PKN2: variants seen among roughly 807,000 people sequenced by gnomAD.
The protein encoded by PKN2 is serine/threonine-protein kinase N2.
Under a neutral mutation model 119.1 loss-of-function variants are expected in PKN2, and 38 were observed. The ratio of observed to expected loss-of-function variants is 0.32; its 90% CI spans 0.25 to 0.42. The LOEUF is 0.42. Ranked by LOEUF, PKN2 falls within the 10% of genes least tolerant of loss-of-function variation. The pLI is 1.00. For missense variants in PKN2, 850 were observed against 1,165.1 expected, an observed-to-expected ratio of 0.73 and a Z score of 3.94; for synonymous variants, 390 against 384.9, an observed-to-expected ratio of 1.01 and a Z score of -0.15.
chr1:88,689,362 TGAA>T (rs2100643183), intron 1 of PKN2, among the ~76,000 whole-genome samples: 1 of 152,322 alleles, frequency 6.6e-6, no homozygotes, highest in East Asian at 1.9e-4. Flanking sequence ...ACTAGAATTT[TGAA>T]GAAAAATGAA....
chr1:88,806,282 A>G (rs1246554463), intron 12 of PKN2: 3 of 379,696 alleles, frequency 7.9e-6, no homozygotes, highest in Non-Finnish European at 9.7e-6. Flanking sequence ...CCATTCTCCT[A>G]TCTCAGCCTC....
chr1:88,685,272 G>C (rs1570470285), intron 1 of PKN2: 3 of 147,612 alleles, frequency 2.0e-5, no homozygotes. Flanking sequence ...TTTTTTAACC[G>C]AGTGATAAAT....
intron 1 of PKN2, among the ~76,000 whole-genome samples, chr1:88,731,559 T>C (rs1668143891): frequency 6.6e-6 from 1 of 152,224 alleles, no homozygotes; most frequent in Admixed American, 6.5e-5. Flanking sequence ...GCTTAGCTGC[T>C]TTAAGCATGC....
intron 7 of PKN2, 29 bp downstream of exon 7, chr1:88,784,853 G>T: frequency 6.9e-7 from 1 of 1,448,006 alleles, no homozygotes; most frequent in Non-Finnish European, 9.5e-7. Flanking sequence ...TAAAAATCAT[G>T]TAACAAACTA....
intron 1 of PKN2, among the ~76,000 whole-genome samples, chr1:88,705,815 TTTA>T (rs932233645): frequency 3.9e-5 from 6 of 152,126 alleles, no homozygotes; most frequent in African/African-American, 7.2e-5. Flanking sequence ...CATTGCTATA[TTTA>T]TTATTATTTT....
chr1:88,684,284 G>A lies in PKN2; in HGVS notation c.-297G>A, dbSNP rs1178552395. Reference sequence around the variant, plus strand: ...GAGGAGCTGCAGCCGCGGCCGCAGCGCCCGCACGGAGAGGCTTGAGGCGGC... The same window carrying A: ...GAGGAGCTGCAGCCGCGGCCGCAGCACCCGCACGGAGAGGCTTGAGGCGGC... On this transcript the variant is annotated 5_prime_UTR_variant, in exon 1 of 22. Coordinates refer to ENST00000370521, the MANE Select transcript of PKN2 (RefSeq NM_006256.4). 14 of 350,426 alleles carry A rather than the reference G, an allele frequency of 4.0e-5. 1 individual carries two copies. The Admixed American group carries it at 6.3e-4, about 16-fold the overall frequency. The allele number at this position is 350,426 out of a possible 1,614,324, so 21.7% of individuals were successfully genotyped here.
intron 2 of PKN2, among the ~76,000 whole-genome samples, chr1:88,744,739 C>T (rs1668706022): frequency 6.6e-6 from 1 of 152,104 alleles, no homozygotes; most frequent in Admixed American, 6.6e-5. Flanking sequence ...GTTCTTAATT[C>T]ACCTCTGTAA....
chr1:88,817,087 A>G (rs1358201791), intron 16 of PKN2, among the ~76,000 whole-genome samples: 3 of 152,128 alleles, frequency 2.0e-5, no homozygotes, highest in Admixed American at 2.0e-4. Flanking sequence ...CCTGGCAGAG[A>G]CACCACAAAA....
chr1:88,727,417 C>T (rs1557569636), intron 1 of PKN2, among the ~76,000 whole-genome samples: 1 of 152,116 alleles, frequency 6.6e-6, no homozygotes, highest in Non-Finnish European at 1.5e-5. Flanking sequence ...GCAGTCCTTC[C>T]ACCTTGGCCT....
intron 1 of PKN2, among the ~76,000 whole-genome samples, chr1:88,736,994 G>A (rs1668373802): frequency 2.0e-5 from 3 of 152,140 alleles, no homozygotes; most frequent in African/African-American, 4.8e-5. Context: ...CCTCACCATG[G>A]CATGCTCCAA....
At chr1:88,805,276 TAAAG>T (rs1336987301) in intron 10 of PKN2, among the ~76,000 whole-genome samples, 6 of 148,260 alleles carry the variant, frequency 4.0e-5, no homozygotes, top group African/African-American at 1.6e-4. Context: ...CTACTAGACT[TAAAG>T]AGAAAAAAAC....
intron 8 of PKN2, among the ~76,000 whole-genome samples, chr1:88,789,999 T>G (rs1670749873): frequency 6.6e-6 from 1 of 152,202 alleles, no homozygotes; most frequent in Admixed American, 6.5e-5. Context: ...TCTGCATACC[T>G]ATTATTTATC....
intron 1 of PKN2, among the ~76,000 whole-genome samples, chr1:88,691,665 CCTT>C (rs1187984292): frequency 1.3e-5 from 2 of 152,118 alleles, no homozygotes; most frequent in African/African-American, 2.4e-5. Context: ...TCTATTTCCA[CCTT>C]CTTGTCATCT....
chr1:88,728,401 A>C (rs1570541860), intron 1 of PKN2, among the ~76,000 whole-genome samples: 3 of 152,264 alleles, frequency 2.0e-5, no homozygotes. Context: ...TTGATATTTT[A>C]ACCTAAATTA....
chr1:88,689,504 C>T (rs766926212), intron 1 of PKN2, among the ~76,000 whole-genome samples: 30 of 151,998 alleles, frequency 2.0e-4, no homozygotes, highest in Non-Finnish European at 4.3e-4. Context: ...TTATGAGTCA[C>T]GGCTTTATTA....
intron 9 of PKN2, 150 bp downstream of exon 9, chr1:88,804,684 G>C (rs973656365): frequency 5.9e-5 from 49 of 837,490 alleles, no homozygotes; most frequent in Non-Finnish European, 7.3e-5. Flanking sequence ...ATGTGACTTT[G>C]AGACAAATCA....
chr1:88,698,542 A>G (rs1666634065), intron 1 of PKN2, among the ~76,000 whole-genome samples: 1 of 152,250 alleles, frequency 6.6e-6, no homozygotes, highest in Non-Finnish European at 1.5e-5. Context: ...GAGGCATCAA[A>G]GACAGTATTA....
chr1:88,770,323 T>C lies in PKN2; in HGVS notation c.505-29T>C, dbSNP rs531932094. 54 of 1,335,416 alleles carry C rather than the reference T, an allele frequency of 4.0e-5. 1 individual carries two copies. In the South Asian group the frequency reaches 6.2e-4, roughly 15 times the overall value. The allele number at this position is 1,335,416 out of a possible 1,614,324, so 82.7% of individuals were successfully genotyped here. A position where few individuals can be genotyped will look rare whatever the true frequency, so the allele number is the denominator to read the frequency against. ...ATGTTTCATTTTTCCCTTTATTTGCTTAATTTTTCAAACTTATTTTTTTAA... is the reference window on the plus strand; with the variant it reads ...ATGTTTCATTTTTCCCTTTATTTGCCTAATTTTTCAAACTTATTTTTTTAA... On this transcript the variant is annotated intron_variant, in intron 3 of 21. Coordinates refer to ENST00000370521, the MANE Select transcript of PKN2 (RefSeq NM_006256.4).
At chr1:88,692,197 A>G (rs1666363209) in intron 1 of PKN2, among the ~76,000 whole-genome samples, 2 of 152,192 alleles carry the variant, frequency 1.3e-5, no homozygotes, top group South Asian at 2.1e-4. Context: ...TTGCTATATA[A>G]TATTTCATTG....
Sources: allele counts gnomAD v4.1 joint callset (sites outside exome capture counted in the v4.1 genomes callset), GRCh38; gene constraint gnomAD v4.1.1; transcripts MANE v1.5; gene names NCBI Gene and HGNC (gene_info 2026-07-23, HGNC 2026-07-21).